Variants in RNF11 observed in about 807,000 individuals in gnomAD.
RNF11 encodes the protein ring finger protein 11.
In RNF11, 4 loss-of-function variants were observed where a neutral mutation model predicts 15.8. The ratio of observed to expected loss-of-function variants is 0.25; its 90% CI spans 0.12 to 0.58. The LOEUF (loss-of-function observed/expected upper bound fraction) is 0.58, where lower values mean the gene tolerates loss of function less well. RNF11 is among the 20% of genes least tolerant of loss of function. The pLI is 0.91. For missense variants in RNF11, 139 were observed against 194.4 expected (o/e 0.71, Z 1.70); for synonymous variants, 68 against 72.3 (o/e 0.94, Z 0.30).
At chr1:51,240,747 T>G (rs941008336) in intron 1 of RNF11, among the ~76,000 whole-genome samples, 11 of 152,150 alleles carry the variant, frequency 7.2e-5, no homozygotes, top group Non-Finnish European at 1.2e-4. Flanking sequence ...TCAGGTTTTT[T>G]TTTGTTTGTT....
rs146151828 is a variant in RNF11 at position 51,236,771 on chromosome 1, C to T, written c.15C>T (p.Leu5=). 2 of 1,613,560 alleles carry T rather than the reference C, an allele frequency of 1.2e-6. No individual in the cohort carries two copies. The highest frequency in any genetic ancestry group is 3.3e-5 in the Admixed American group (2 of 59,964). MGNC[L]KSPTSDDISL... ...AGCTCCGGAAGATGGGGAACTGCCT[C>T]AAATCCCCCACCTCGGATGACATCT... Residue 5 remains leucine, a synonymous_variant, in exon 1 of 3, where the codon CTC becomes CTT. Transcript: ENST00000242719.
intron 1 of RNF11, among the ~76,000 whole-genome samples, chr1:51,244,663 C>T (rs911729229): frequency 5.3e-5 from 8 of 152,154 alleles, no homozygotes; most frequent in Non-Finnish European, 7.4e-5. Flanking sequence ...CGTGAGCCAC[C>T]GCGCCCAGCC....
At chr1:51,245,818 G>A (rs912722756) in intron 1 of RNF11, among the ~76,000 whole-genome samples, 1 of 152,174 alleles carries the variant, frequency 6.6e-6, no homozygotes. Context: ...TGTACCTGAA[G>A]TAAGGAAGGT....
intron 1 of RNF11, among the ~76,000 whole-genome samples, chr1:51,244,669 C>T (rs916542951): frequency 6.6e-6 from 1 of 152,202 alleles, no homozygotes; most frequent in South Asian, 2.1e-4. Flanking sequence ...CCACCGCGCC[C>T]AGCCTGAATT....
At chr1:51,255,005 A>G (rs754252604) in intron 1 of RNF11, among the ~76,000 whole-genome samples, 2 of 152,246 alleles carry the variant, frequency 1.3e-5, no homozygotes, top group African/African-American at 4.8e-5. Context: ...ACTTGCATAG[A>G]AAAGCAATAG....
chr1:51,239,927 T>G (rs1470891882), intron 1 of RNF11, among the ~76,000 whole-genome samples: 4 of 152,194 alleles, frequency 2.6e-5, no homozygotes, highest in Non-Finnish European at 4.4e-5. Flanking sequence ...TTTTATTTAT[T>G]TTTGCCTTAA....
intron 1 of RNF11, among the ~76,000 whole-genome samples, chr1:51,261,813 G>T (rs1347457216): frequency 2.6e-5 from 4 of 152,038 alleles, no homozygotes; most frequent in African/African-American, 7.2e-5. Flanking sequence ...TCAGCCTCCG[G>T]AGTAGCTGGG....
In RNF11 at chr1:51,236,773, A is replaced by C. The variant is rs561210339; in HGVS notation, c.17A>C (p.Lys6Thr). 3.7e-6 allele frequency: 6 copies of C among 1,613,186 alleles called. No individual in the cohort carries two copies. The African/African-American group carries it at 5.3e-5, about 14-fold the overall frequency. Residue 6 changes from lysine (K) to threonine (T), a missense_variant, in exon 1 of 3, where the codon AAA becomes ACA. Transcript: ENST00000242719. ...CTCCGGAAGATGGGGAACTGCCTCA[A>C]ATCCCCCACCTCGGATGACATCTCC... MGNCLKSPTSDDISLL... is the reference protein window; with the variant it reads MGNCLTSPTSDDISLL...
intron 1 of RNF11, among the ~76,000 whole-genome samples, chr1:51,249,295 G>T (rs958358534): frequency 6.6e-6 from 1 of 152,076 alleles, no homozygotes; most frequent in African/African-American, 2.4e-5. Flanking sequence ...TTGAGATAGG[G>T]CTCTCGCTGT....
At chr1:51,259,422 C>G (rs1036804646) in intron 1 of RNF11, among the ~76,000 whole-genome samples, 1 of 152,128 alleles carries the variant, frequency 6.6e-6, no homozygotes, top group Non-Finnish European at 1.5e-5. Flanking sequence ...GAATTTAAGG[C>G]GTGGAAATAT....
At chr1:51,261,947 C>G (rs1280547532) in intron 1 of RNF11, among the ~76,000 whole-genome samples, 1 of 152,138 alleles carries the variant, frequency 6.6e-6, no homozygotes, top group African/African-American at 2.4e-5. Flanking sequence ...CTCCGTCTCT[C>G]CGGTTCAAGC....
chr1:51,253,216 G>A (rs759248114), intron 1 of RNF11, among the ~76,000 whole-genome samples: 2 of 152,090 alleles, frequency 1.3e-5, no homozygotes, highest in Non-Finnish European at 2.9e-5. Context: ...AATGGTAATT[G>A]TTCTCTGCAT....
chr1:51,250,920 C>T (rs926917025), intron 1 of RNF11: 55 of 1,099,178 alleles, frequency 5.0e-5, no homozygotes, highest in African/African-American at 2.6e-4. Context: ...AGAGCCGCAG[C>T]GGCCTGTCAC....
chr1:51,271,241 C>T lies in RNF11; in HGVS notation c.384C>T (p.Asp128=). The T allele has an allele frequency of 1.2e-6, 2 of 1,613,964 alleles. No individual in the cohort carries two copies. Among genetic ancestry groups the T allele is most frequent in the Non-Finnish European group, 1.7e-6 (2 of 1,179,858 alleles). The part of the protein sequence containing the change: ...MHIYHLDCID[D]WLMRSFTCPS... ...TCTATCACCTGGACTGTATAGATGACTGGTTGATGAGATCCTTCACGTGCC... is the reference window on the plus strand; with the variant it reads ...TCTATCACCTGGACTGTATAGATGATTGGTTGATGAGATCCTTCACGTGCC... Residue 128 remains aspartate, a synonymous_variant, in exon 3 of 3, where the codon GAC becomes GAT. Coordinates refer to ENST00000242719, the MANE Select transcript of RNF11 (RefSeq NM_014372.5).
intron 1 of RNF11, among the ~76,000 whole-genome samples, chr1:51,237,640 T>C (rs1023354079): frequency 2.0e-5 from 3 of 152,086 alleles, no homozygotes; most frequent in Non-Finnish European, 4.4e-5. Context: ...AAATACGTTG[T>C]ACTGCTTTTT....
chr1:51,239,240 C>T (rs764961151), intron 1 of RNF11, among the ~76,000 whole-genome samples: 12 of 152,058 alleles, frequency 7.9e-5, no homozygotes, highest in Admixed American at 3.3e-4. Context: ...ATTAAAGGTA[C>T]TAGAATTTAT....
chr1:51,242,793 A>G (rs1489456856), intron 1 of RNF11, among the ~76,000 whole-genome samples: 1 of 152,150 alleles, frequency 6.6e-6, no homozygotes, highest in Non-Finnish European at 1.5e-5. Flanking sequence ...TTTTCCTGAT[A>G]ACTTACGAAG....
At chr1:51,262,524 G>C (rs1200498649) in intron 1 of RNF11, among the ~76,000 whole-genome samples, 1 of 151,998 alleles carries the variant, frequency 6.6e-6, no homozygotes, top group African/African-American at 2.4e-5. Context: ...CCCATAGGAT[G>C]CAAGAAAATA....
intron 1 of RNF11, among the ~76,000 whole-genome samples, chr1:51,261,465 G>A (rs1646930377): frequency 6.6e-6 from 1 of 152,194 alleles, no homozygotes; most frequent in African/African-American, 2.4e-5. Flanking sequence ...TGATAGGTAT[G>A]TGGTATTGTA....
Sources: allele counts gnomAD v4.1 joint callset (sites outside exome capture counted in the v4.1 genomes callset), GRCh38; gene constraint gnomAD v4.1.1; transcripts MANE v1.5; gene names NCBI Gene and HGNC (gene_info 2026-07-23, HGNC 2026-07-21).